Variants in MGAT5 observed in about 807,000 individuals in gnomAD.
MGAT5 encodes alpha-1,6-mannosylglycoprotein 6-beta-N-acetylglucosaminyltransferase, also known as alpha-1,6-mannosylglycoprotein 6-beta-N-acetylglucosaminyltransferase A.
In MGAT5, 30 loss-of-function variants were observed where a neutral mutation model predicts 94.3. That is an observed-to-expected ratio of 0.32 (90% CI 0.24 to 0.43). MGAT5 has a LOEUF of 0.43. Among genes scored for constraint, MGAT5 ranks in the 20% least tolerant of loss-of-function variants. MGAT5 has a pLI of 1.00. For missense variants in MGAT5, 691 were observed against 905.5 expected (o/e 0.76, Z 3.04); for synonymous variants, 310 against 322.9 (o/e 0.96, Z 0.43).
chr2:134,155,216 A>C (rs1270160495), intron 1 of MGAT5, among the ~76,000 whole-genome samples: 1 of 151,982 alleles, frequency 6.6e-6, no homozygotes, highest in Non-Finnish European at 1.5e-5. Flanking sequence ...TGCTGCCACC[A>C]CCCTGGCCCA....
chr2:134,396,781 G>C (rs112701672), intron 10 of MGAT5, among the ~76,000 whole-genome samples: 5,095 of 152,296 alleles, frequency 0.033, 292 homozygotes, highest in African/African-American at 0.11. Flanking sequence ...AAGCCTACTG[G>C]TTCTGCCCTG....
intron 11 of MGAT5, among the ~76,000 whole-genome samples, chr2:134,409,240 C>T (rs993794868): frequency 6.6e-6 from 1 of 152,214 alleles, no homozygotes; most frequent in African/African-American, 2.4e-5. Context: ...TGTACTATCT[C>T]ATGTAATCCT....
intron 1 of MGAT5, among the ~76,000 whole-genome samples, chr2:134,176,668 C>G (rs186903354): frequency 2.1e-3 from 312 of 151,862 alleles, no homozygotes; most frequent in African/African-American, 7.2e-3. Context: ...AATACAAGCC[C>G]CTAATTTTAT....
At chr2:134,263,129 A>G (rs3791268) in intron 1 of MGAT5, among the ~76,000 whole-genome samples, 32,301 of 152,118 alleles carry the variant, frequency 0.21, 4,864 homozygotes, top group African/African-American at 0.39. Context: ...GGGCCCTGGC[A>G]TCAGGTGGGG....
chr2:134,238,965 A>C (rs1182215432), intron 1 of MGAT5, among the ~76,000 whole-genome samples: 4 of 152,140 alleles, frequency 2.6e-5, no homozygotes, highest in South Asian at 2.1e-4. Flanking sequence ...ACAACAACAA[A>C]AAAAGAAATA....
intron 7 of MGAT5, among the ~76,000 whole-genome samples, chr2:134,343,013 C>T (rs1688723953): frequency 6.6e-6 from 1 of 152,040 alleles, no homozygotes; most frequent in Admixed American, 6.6e-5. Flanking sequence ...TAGTGGGCAC[C>T]TAGATAGTGC....
intron 10 of MGAT5, among the ~76,000 whole-genome samples, chr2:134,373,212 C>G (rs1680931246): frequency 6.6e-6 from 1 of 152,186 alleles, no homozygotes; most frequent in South Asian, 2.1e-4. Context: ...CAAGCAAGTG[C>G]AAGTGTGTGG....
At chr2:134,437,215 C>T (rs1685212189) in intron 14 of MGAT5, among the ~76,000 whole-genome samples, 1 of 152,144 alleles carries the variant, frequency 6.6e-6, no homozygotes, top group Non-Finnish European at 1.5e-5. Flanking sequence ...GTCTCAAACT[C>T]CTCCACTCAG....
intron 10 of MGAT5, 144 bp from the exon 11 acceptor site, chr2:134,402,844 C>A: frequency 1.4e-6 from 1 of 694,394 alleles, no homozygotes; most frequent in African/African-American, 1.8e-5. Context: ...GAAATTTTAG[C>A]AGTTTGATTG....
chr2:134,143,598 G>A (rs2104966348), intron 1 of MGAT5, among the ~76,000 whole-genome samples: 1 of 152,334 alleles, frequency 6.6e-6, no homozygotes, highest in East Asian at 1.9e-4. Context: ...GGATGGATGA[G>A]GAACATCAGG....
At chr2:134,426,692 T>C (rs545812987) in intron 13 of MGAT5, among the ~76,000 whole-genome samples, 1 of 151,178 alleles carries the variant, frequency 6.6e-6, no homozygotes, top group Non-Finnish European at 1.5e-5. Context: ...GAGTCACCCA[T>C]GGGTTGAGTA....
At chr2:134,229,873 T>TC (rs1385379410) in intron 1 of MGAT5, among the ~76,000 whole-genome samples, 1 of 152,030 alleles carries the variant, frequency 6.6e-6, no homozygotes, top group Non-Finnish European at 1.5e-5. Flanking sequence ...AACAGATATT[T>TC]CCCCCAAAAG....
intron 4 of MGAT5, among the ~76,000 whole-genome samples, chr2:134,330,752 C>T (rs1271715943): frequency 6.6e-5 from 10 of 152,092 alleles, no homozygotes; most frequent in East Asian, 5.8e-4. Flanking sequence ...TCAGACTTCT[C>T]GTATGCATTT....
chr2:134,400,119 G>A (rs111590362), intron 10 of MGAT5, among the ~76,000 whole-genome samples: 1 of 152,172 alleles, frequency 6.6e-6, no homozygotes, highest in Non-Finnish European at 1.5e-5. Flanking sequence ...TTCGACATGT[G>A]TGTCCATGGA....
intron 1 of MGAT5, among the ~76,000 whole-genome samples, chr2:134,255,727 T>C (rs1186542475): frequency 1.3e-5 from 2 of 152,148 alleles, no homozygotes; most frequent in South Asian, 4.1e-4. Flanking sequence ...GATGCAAGAA[T>C]GGGGTTAGGT....
chr2:134,184,614 G>A (rs2105190905), intron 1 of MGAT5, among the ~76,000 whole-genome samples: 1 of 152,270 alleles, frequency 6.6e-6, no homozygotes, highest in African/African-American at 2.4e-5. Context: ...TTTGCACACT[G>A]CTGTGAACCC....
intron 1 of MGAT5, among the ~76,000 whole-genome samples, chr2:134,133,538 G>A (rs1268414320): frequency 1.3e-5 from 2 of 152,200 alleles, no homozygotes; most frequent in Middle Eastern, 3.2e-3. Flanking sequence ...ACAGCATGAA[G>A]AGCTTAGGTA....
chr2:134,227,935 G>C (rs1056830836), intron 1 of MGAT5, among the ~76,000 whole-genome samples: 1 of 152,182 alleles, frequency 6.6e-6, no homozygotes, highest in African/African-American at 2.4e-5. Context: ...TCACCTGCCA[G>C]ACATTAGGTA....
At chr2:134,284,296 A>G (rs570214233) in intron 2 of MGAT5, among the ~76,000 whole-genome samples, 2 of 152,288 alleles carry the variant, frequency 1.3e-5, no homozygotes, top group African/African-American at 4.8e-5. Context: ...CCCATGGGCC[A>G]AATTAGTCCA....
Sources: gnomAD v4.1 joint callset for allele counts (sites outside exome capture counted in the v4.1 genomes callset) on GRCh38, gnomAD v4.1.1 for gene constraint, MANE v1.5 for transcripts, NCBI Gene and HGNC (gene_info 2026-07-23, HGNC 2026-07-21) for gene names.